Variants in RELN observed in about 807,000 individuals in gnomAD.
RELN encodes reelin.
RELN carries 108 observed loss-of-function variants against 427.6 expected under a neutral mutation model. That is an observed-to-expected ratio of 0.25 (90% CI 0.22 to 0.30). The LOEUF (loss-of-function observed/expected upper bound fraction) is 0.30. Among genes scored for constraint, RELN ranks in the 10% least tolerant of loss-of-function variants. RELN has a pLI of 1.00. For missense variants in RELN, 3,715 were observed against 4,302.8 expected, an observed-to-expected ratio of 0.86 and a Z score of 3.82; for synonymous variants, 1,524 against 1,513.4, an observed-to-expected ratio of 1.01 and a Z score of -0.16.
rs542371658 is a variant in RELN at position 103,496,165 on chromosome 7, G to A, written c.9194-267C>T. On this transcript the variant is annotated intron_variant, in intron 56 of 64. Coordinates refer to ENST00000428762, the MANE Select transcript of RELN (RefSeq NM_005045.4). ...CCGTACTTTTAAAATGTAATTGCTA[G>A]TCTAGGTAACCTAGCACCGAAAAGT... is the stretch of plus-strand genomic sequence containing the variant. Among the ~76,000 whole-genome samples, 3 of 146,174 alleles carry A rather than the reference G, an allele frequency of 2.1e-5. No homozygotes were observed. The East Asian group carries it at 6.5e-4, about 31-fold the overall frequency.
At chr7:103,717,055 T>C (rs1485030895) in intron 8 of RELN, among the ~76,000 whole-genome samples, 4 of 152,134 alleles carry the variant, frequency 2.6e-5, no homozygotes, top group East Asian at 3.8e-4. Context: ...GAGTGACAAA[T>C]TGAATATCTC....
rs1584326931 is a variant in RELN at position 103,594,355 on chromosome 7, T to A, written c.3677A>T (p.Gln1226Leu). ...AGTTGGATTGATAACTGGGATGATCTGCTTCTGCTTCTCGGACAGAATGAT... is the reference window on the plus strand; with the variant it reads ...AGTTGGATTGATAACTGGGATGATCAGCTTCTGCTTCTCGGACAGAATGAT... The part of the protein sequence containing the change: ...DIIILSEKQK[Q>L]IIPVINPTLP... Residue 1226 changes from glutamine (Q) to leucine (L), a missense_variant, in exon 26 of 65, where the codon CAG (glutamine) becomes CTG (leucine). Physicochemically the swap from Gln to Leu is moderately radical, Grantham distance 113 (BLOSUM62 -2). This residue lies in a region of RELN where 2,208 missense variants were observed against 2,361.7 expected (regional missense o/e 0.93). Coordinates refer to ENST00000428762, the MANE Select transcript of RELN (RefSeq NM_005045.4). 4 of 1,614,040 alleles carry A rather than the reference T, an allele frequency of 2.5e-6. No individual in the cohort carries two copies. In the East Asian group the frequency reaches 8.9e-5, roughly 36 times the overall value.
Position 103,989,264 on chromosome 7 carries a change from G to A in RELN, c.93C>T (p.Pro31=), listed in dbSNP as rs774807465. ...ACAGGAAAAAGAAGGGCGAAAAGCG[G>A]GGGTAATAGCCAGCCGCCGCGCGCG... is the stretch of plus-strand genomic sequence containing the variant. The part of the protein sequence containing the change: ...LRARAAAGYY[P]RFSPFFFLCT... The change falls in exon 1 of 65, where the codon CCC becomes CCT. Residue 31 remains proline (P), a synonymous_variant. Transcript: ENST00000428762. This position sits in a 1 kb window ranked among gnomAD's most constrained non-coding sequence, Gnocchi z 4.9. 4 of 1,613,684 alleles carry A rather than the reference G, an allele frequency of 2.5e-6. No homozygotes were observed. Among genetic ancestry groups the A allele is most frequent in the African/African-American group, 1.3e-5 (1 of 74,918 alleles).
intron 6 of RELN, 132 bp from the exon 7 acceptor site, chr7:103,728,339 T>G (rs1015616187): frequency 1.2e-5 from 10 of 845,146 alleles, no homozygotes; most frequent in Middle Eastern, 2.2e-4. Flanking sequence ...TAGGAGTATT[T>G]TGCATCATGA....
chr7:103,951,577 G>A (rs895873175), intron 1 of RELN, among the ~76,000 whole-genome samples: 3 of 152,030 alleles, frequency 2.0e-5, no homozygotes, highest in Admixed American at 6.6e-5. Flanking sequence ...AGCTGAGTTA[G>A]CCTGAACTTT....
rs546179677 is a variant in RELN, at chr7:103,677,182, T to C, written c.1289+4934A>G. Reference sequence around the variant, plus strand: ...CAAGATCAGAAAACCAAACAGTGCATATTCTCACTTATAAGTGGGAGTTGA... The same window carrying C: ...CAAGATCAGAAAACCAAACAGTGCACATTCTCACTTATAAGTGGGAGTTGA... On this transcript the variant is annotated intron_variant, in intron 11 of 64. Coordinates refer to ENST00000428762, the MANE Select transcript of RELN (RefSeq NM_005045.4). 2.0e-5 allele frequency among the ~76,000 whole-genome samples: 3 copies of C among 150,850 alleles called. No individual in the cohort carries two copies. In the East Asian group the frequency reaches 5.9e-4, roughly 30 times the overall value.
chr7:103,551,535 A>G (rs1156818381), intron 40 of RELN, among the ~76,000 whole-genome samples: 1 of 152,216 alleles, frequency 6.6e-6, no homozygotes, highest in Non-Finnish European at 1.5e-5. Flanking sequence ...ATTTTATAAA[A>G]AGCAGGAAGT....
chr7:103,612,494 C>T (rs984424342), intron 20 of RELN, among the ~76,000 whole-genome samples: 2 of 151,904 alleles, frequency 1.3e-5, no homozygotes, highest in African/African-American at 4.8e-5. Context: ...AGGGTGGTCT[C>T]GAACTCCCGA....
At chr7:103,675,931 T>G (rs138903843) in intron 11 of RELN, among the ~76,000 whole-genome samples, 3 of 151,784 alleles carry the variant, frequency 2.0e-5, no homozygotes, top group African/African-American at 7.3e-5. Flanking sequence ...AAACCATAAA[T>G]ACCCTAGAAG....
intron 1 of RELN, among the ~76,000 whole-genome samples, chr7:103,945,464 C>G (rs985675495): frequency 6.6e-6 from 1 of 152,074 alleles, no homozygotes; most frequent in Admixed American, 6.6e-5. Flanking sequence ...TACCCCCTAC[C>G]GAAGACAGAC....
chr7:103,629,839 T>C, intron 20 of RELN, 101 bp downstream of exon 20: 1 of 847,762 alleles, frequency 1.2e-6, no homozygotes, highest in South Asian at 1.3e-5. Flanking sequence ...ATTTAGTAAA[T>C]ACTTGTCAAC....
At chr7:103,793,175 C>G (rs1584496749) in intron 3 of RELN, among the ~76,000 whole-genome samples, 1 of 152,164 alleles carries the variant, frequency 6.6e-6, no homozygotes, top group African/African-American at 2.4e-5. Flanking sequence ...ATAAGTAGTT[C>G]TTCTTTTACC....
intron 2 of RELN, among the ~76,000 whole-genome samples, chr7:103,905,862 G>A (rs900707036): frequency 6.6e-6 from 1 of 152,160 alleles, no homozygotes; most frequent in Non-Finnish European, 1.5e-5. Flanking sequence ...ATTCCACGGA[G>A]GTAGCGGGAA....
chr7:103,940,740 T>G (rs1403295943), intron 1 of RELN, among the ~76,000 whole-genome samples: 2 of 152,166 alleles, frequency 1.3e-5, no homozygotes, highest in Non-Finnish European at 2.9e-5. Flanking sequence ...TCAATAAAAT[T>G]GCTTCCTTTG....
At chr7:103,829,681 A>G (rs78283282) in intron 3 of RELN, among the ~76,000 whole-genome samples, 1,994 of 152,032 alleles carry the variant, frequency 0.013, 41 homozygotes, top group African/African-American at 0.044. Context: ...TTAACAAGAA[A>G]GGCCATACAC....
chr7:103,717,087 C>T (rs1259059654), intron 8 of RELN, among the ~76,000 whole-genome samples: 1 of 151,992 alleles, frequency 6.6e-6, no homozygotes, highest in African/African-American at 2.4e-5. Context: ...GGGATAATAC[C>T]TGTGTCAAAT....
chr7:103,850,252 C>A (rs1460058202), intron 2 of RELN, among the ~76,000 whole-genome samples: 1 of 152,202 alleles, frequency 6.6e-6, no homozygotes, highest in Admixed American at 6.5e-5. Flanking sequence ...ACCCAGGAGA[C>A]ACCCCAAATA....
intron 5 of RELN, among the ~76,000 whole-genome samples, chr7:103,751,301 G>A (rs569132644): frequency 6.6e-6 from 1 of 152,264 alleles, no homozygotes; most frequent in Non-Finnish European, 1.5e-5. Context: ...ATAATTCTCT[G>A]AAATCACTGG....
Position 103,482,948 on chromosome 7 carries a change from A to G in RELN, c.10205T>C (p.Leu3402Ser). ...GTGGCGTGGTTGCCACCAGCGCAGT[A>G]AGACTCCTTTCATCCGTGCCTCCCT... is the stretch of plus-strand genomic sequence containing the variant. ...VPLEARMKGV[L>S]LRWWQPRHNG... Residue 3402 changes from leucine to serine, a missense_variant, in exon 63 of 65, where the codon TTA (leucine) becomes TCA (serine). Leu to Ser is a moderately radical substitution (Grantham distance 145, BLOSUM62 -2). Around this residue, in one of 4 missense-constraint regions of RELN, gnomAD observed 195 missense variants for 281.3 expected, o/e 0.69. Coordinates refer to ENST00000428762, the MANE Select transcript of RELN (RefSeq NM_005045.4). 5 of 1,614,192 alleles carry G rather than the reference A, an allele frequency of 3.1e-6. No homozygotes were observed. Among genetic ancestry groups the G allele is most frequent in the Non-Finnish European group, 4.2e-6 (5 of 1,180,008 alleles).
Sources: allele counts gnomAD v4.1 joint callset (sites outside exome capture counted in the v4.1 genomes callset), GRCh38; gene constraint gnomAD v4.1.1; regional missense constraint gnomAD v4.1.1; non-coding constraint Gnocchi (gnomAD v3.1); transcripts MANE v1.5; gene names NCBI Gene and HGNC (gene_info 2026-07-23, HGNC 2026-07-21).